The following NQO2 variants were observed in gnomAD, a reference collection of about 807,000 sequenced individuals.
NQO2 encodes ribosyldihydronicotinamide dehydrogenase [quinone].
NQO2 carries 18 observed loss-of-function variants against 22.0 expected under a neutral mutation model. That is an observed-to-expected ratio of 0.82 (90% CI 0.56 to 1.21). The LOEUF is 1.21. NQO2 is among the 50% of genes most tolerant of loss of function. NQO2 has a pLI of 0.00. For missense variants in NQO2, 267 were observed against 286.9 expected, an observed-to-expected ratio of 0.93 and a Z score of 0.50; for synonymous variants, 106 against 110.8, an observed-to-expected ratio of 0.96 and a Z score of 0.28.
chr6:3,019,521 C>T lies in NQO2; in HGVS notation c.562C>T (p.Gln188Ter). Reference sequence around the variant, plus strand: ...CTGTGGATTTAAAGTCCTTGCCCCTCAGATCAGCTTTGCTCCTGAAATTGC... The same window carrying T: ...CTGTGGATTTAAAGTCCTTGCCCCTTAGATCAGCTTTGCTCCTGAAATTGC... ...HFCGFKVLAP[Q>*]ISFAPEIASE... The change falls in exon 7 of 7, where the codon CAG (glutamine) becomes TAG (stop). Residue 188 changes from glutamine (Q) to a stop codon, truncating the protein, a stop_gained. Transcript: ENST00000380455. LOFTEE classifies it low-confidence loss of function (END_TRUNC). The T allele has an allele frequency of 6.2e-7, 1 of 1,614,168 alleles. No individual in the cohort carries two copies. Among genetic ancestry groups the T allele is most frequent in the Non-Finnish European group, 8.5e-7 (1 of 1,180,018 alleles).
In NQO2 at chr6:3,011,135, C is replaced by T. The variant is rs552106157; in HGVS notation, c.172+946C>T. Among the ~76,000 whole-genome samples, 15 of 152,276 alleles carry T rather than the reference C, an allele frequency of 9.9e-5. 1 individual carries two copies. Among genetic ancestry groups the T allele is most frequent in the South Asian group, 6.2e-4 (3 of 4,822 alleles). On this transcript the variant is annotated intron_variant, in intron 3 of 6. Transcript: ENST00000380455. Reference sequence around the variant, plus strand: ...GCAAGGAACCAGTGACTGAACCTAACGAGACGGCACTGTTTGGACTCTCTG... The same window carrying T: ...GCAAGGAACCAGTGACTGAACCTAATGAGACGGCACTGTTTGGACTCTCTG...
chr6:3,002,587 G>A (rs1756771626), intron 1 of NQO2, among the ~76,000 whole-genome samples: 1 of 152,090 alleles, frequency 6.6e-6, no homozygotes, highest in Non-Finnish European at 1.5e-5. Flanking sequence ...TGGGATTACA[G>A]GTGTGAGCCA....
At chr6:3,000,724 G>C (rs1487460113) in intron 1 of NQO2, among the ~76,000 whole-genome samples, 1 of 152,062 alleles carries the variant, frequency 6.6e-6, no homozygotes, top group East Asian at 1.9e-4. Flanking sequence ...TGTATGTTTA[G>C]TAGAGACGGG....
At chr6:3,000,543 CTT>C (rs559414956) in intron 1 of NQO2, among the ~76,000 whole-genome samples, 1 of 146,618 alleles carries the variant, frequency 6.8e-6, no homozygotes, top group African/African-American at 2.5e-5. Context: ...AAAAAATCAG[CTT>C]TTTTTTTTTT....
In NQO2 at chr6:3,016,952, T is replaced by A. The variant is rs377465999; in HGVS notation, c.486T>A (p.Asn162Lys). Residue 162 changes from asparagine to lysine, a missense_variant, in exon 6 of 7, where the codon AAT (asparagine) becomes AAA (lysine). By Grantham distance (94) the Asn-to-Lys change is moderately conservative (BLOSUM62 0). Transcript: ENST00000380455. The part of the protein sequence containing the change: ...TAEMYTKTGV[N>K]GDSRYFLWPL... Reference sequence around the variant, plus strand: ...AGATGTACACGAAGACAGGAGTCAATGGAGATTCTCGATACTTCCTGTGGC... The same window carrying A: ...AGATGTACACGAAGACAGGAGTCAAAGGAGATTCTCGATACTTCCTGTGGC... 21 of 1,614,038 alleles carry A rather than the reference T, an allele frequency of 1.3e-5. No homozygotes were observed. The highest frequency in any genetic ancestry group is 6.7e-5 in the African/African-American group (5 of 75,038).
At chr6:3,002,588 G>T (rs984930865) in intron 1 of NQO2, among the ~76,000 whole-genome samples, 1 of 152,040 alleles carries the variant, frequency 6.6e-6, no homozygotes, top group Non-Finnish European at 1.5e-5. Context: ...GGGATTACAG[G>T]TGTGAGCCAC....
chr6:3,015,287 A>G (rs1486535808), intron 4 of NQO2: 2 of 1,449,440 alleles, frequency 1.4e-6, no homozygotes, highest in South Asian at 1.3e-5. Context: ...GGCCAGCATC[A>G]GGGGCTGTCA....
chr6:3,015,114 G>A, intron 4 of NQO2: 1 of 1,294,738 alleles, frequency 7.7e-7, no homozygotes, highest in Non-Finnish European at 1.0e-6. Flanking sequence ...ATCCATAGAT[G>A]CTCAGCACCG....
Sources: gnomAD v4.1 joint callset for allele counts (sites outside exome capture counted in the v4.1 genomes callset) on GRCh38, gnomAD v4.1.1 for gene constraint, MANE v1.5 for transcripts, NCBI Gene and HGNC (gene_info 2026-07-23, HGNC 2026-07-21) for gene names.